Variants in SYT10 observed in about 807,000 individuals in gnomAD.
The protein encoded by SYT10 is synaptotagmin-10.
In SYT10, 31 loss-of-function variants were observed where a neutral mutation model predicts 51.1. The observed-to-expected ratio is 0.61, with a 90% CI of 0.46 to 0.82. The LOEUF (loss-of-function observed/expected upper bound fraction) is 0.82, where lower values mean the gene tolerates loss of function less well. SYT10 is among the 40% of genes least tolerant of loss of function. The probability of loss-of-function intolerance (pLI) is 0.00; values close to 1 mark genes in which losing one functional copy is unlikely to be tolerated. For synonymous variants in SYT10, 233 were observed against 225.9 expected, an observed-to-expected ratio of 1.03 and a Z score of -0.28; for missense variants, 603 against 634.0, an observed-to-expected ratio of 0.95 and a Z score of 0.53.
chr12:33,416,939 T>C (rs1866459410), intron 2 of SYT10, among the ~76,000 whole-genome samples: 1 of 152,140 alleles, frequency 6.6e-6, no homozygotes, highest in Admixed American at 6.5e-5. Flanking sequence ...TAATGTACTA[T>C]CCATCAGGAA....
intron 6 of SYT10, among the ~76,000 whole-genome samples, chr12:33,377,163 A>G (rs1480877091): frequency 1.3e-5 from 2 of 152,166 alleles, no homozygotes; most frequent in Non-Finnish European, 2.9e-5. Context: ...TGACAGCAGA[A>G]TAATTTCAAA....
Position 33,407,000 on chromosome 12 carries a change from C to A in SYT10, c.866G>T (p.Arg289Ile), listed in dbSNP as rs1866359899. The A allele has an allele frequency of 6.2e-7, 1 of 1,614,130 alleles. No homozygotes were observed. The highest frequency in any genetic ancestry group is 2.2e-5 in the East Asian group (1 of 44,872). ...RKKKFQTRVH[R>I]KTLNPLFDET... is the part of the protein sequence containing the mutation. ...ATCAAATAGAGGATTTAAAGTCTTT[C>A]TGTGCACGCGGGTCTGAAATTTCTT... Residue 289 changes from arginine to isoleucine, a missense_variant, in exon 3 of 7, where the codon AGA becomes ATA. Physicochemically the swap from Arg to Ile is moderately conservative, Grantham distance 97. Coordinates refer to ENST00000228567, the MANE Select transcript of SYT10 (RefSeq NM_198992.4).
intron 2 of SYT10, among the ~76,000 whole-genome samples, chr12:33,413,320 G>A (rs1457018068): frequency 2.0e-5 from 3 of 152,120 alleles, no homozygotes; most frequent in African/African-American, 7.2e-5. Flanking sequence ...TCAAATTCAG[G>A]AAATACTGAG....
chr12:33,399,812 G>C (rs1258688379), intron 3 of SYT10, among the ~76,000 whole-genome samples: 1 of 152,118 alleles, frequency 6.6e-6, no homozygotes, highest in Non-Finnish European at 1.5e-5. Flanking sequence ...TTCTCGCAAA[G>C]TAAAAGACCT....
Position 33,374,763 on chromosome 12 carries a change from A to C in SYT10, c.*2067T>G, listed in dbSNP as rs746655901. The C allele has an allele frequency of 6.6e-6, 1 of 151,866 alleles. No individual in the cohort carries two copies. Among genetic ancestry groups the C allele is most frequent in the Non-Finnish European group, 1.5e-5 (1 of 67,876 alleles). The allele number at this position is 151,866 out of a possible 1,614,324, so 9.4% of individuals were successfully genotyped here. A position where few individuals can be genotyped will look rare whatever the true frequency, so the allele number is the denominator to read the frequency against. ...CATATTAGAGTCTTCTGATTGGCCA[A>C]TGGTTCACATTTTTTCATCACAAGC... On this transcript the variant is annotated 3_prime_UTR_variant, in exon 7 of 7. Coordinates refer to ENST00000228567, the MANE Select transcript of SYT10 (RefSeq NM_198992.4).
intron 2 of SYT10, among the ~76,000 whole-genome samples, chr12:33,422,283 C>T (rs1866512127): frequency 6.6e-6 from 1 of 152,040 alleles, no homozygotes; most frequent in Admixed American, 6.6e-5. Context: ...TGAAGTGCCA[C>T]TTAATGTTTT....
chr12:33,398,142 GGATACT>G (rs1177331236), intron 3 of SYT10, among the ~76,000 whole-genome samples: 1 of 152,038 alleles, frequency 6.6e-6, no homozygotes, highest in Non-Finnish European at 1.5e-5. Context: ...AAAATAATTG[GGATACT>G]GTCTCCAGGT....
intron 1 of SYT10, chr12:33,432,556 T>TTAAC (rs1456740136): frequency 7.9e-5 from 12 of 152,092 alleles, no homozygotes; most frequent in African/African-American, 2.7e-4. Flanking sequence ...CTCAGGTACA[T>TTAAC]TAACAGCTTA....
At chr12:33,411,493 CAT>C (rs1253478474) in intron 2 of SYT10, among the ~76,000 whole-genome samples, 4 of 151,502 alleles carry the variant, frequency 2.6e-5, no homozygotes, top group Admixed American at 1.3e-4. Flanking sequence ...TTGGAAATGA[CAT>C]ATTTTGAAAA....
At chr12:33,429,977 G>T (rs2138436456) in intron 1 of SYT10, among the ~76,000 whole-genome samples, 1 of 152,228 alleles carries the variant, frequency 6.6e-6, no homozygotes, top group East Asian at 1.9e-4. Context: ...GGGCAAACTT[G>T]ATGACTAGGC....
At chr12:33,424,084 T>C in intron 2 of SYT10, 2 of 440,998 alleles carry the variant, frequency 4.5e-6, no homozygotes, top group South Asian at 3.2e-5. Flanking sequence ...TGAATGTGTG[T>C]TGCAGTTTTT....
At chr12:33,420,204 C>T (rs1217052065) in intron 2 of SYT10, among the ~76,000 whole-genome samples, 1 of 152,196 alleles carries the variant, frequency 6.6e-6, no homozygotes, top group East Asian at 1.9e-4. Context: ...ATTTGTCTTT[C>T]ACTCTCCAAG....
intron 3 of SYT10, among the ~76,000 whole-genome samples, chr12:33,391,358 GGC>G (rs1360752448): frequency 2.0e-5 from 3 of 152,084 alleles, no homozygotes; most frequent in Non-Finnish European, 2.9e-5. Flanking sequence ...GATCTAGGAG[GGC>G]ATTAGAGGTG....
chr12:33,422,041 A>T lies in SYT10; in HGVS notation c.509+4097T>A, dbSNP rs141823374. Among the ~76,000 whole-genome samples the T allele has an allele frequency of 5.8e-3, 882 of 152,104 alleles. 6 individuals are homozygous for T. Among genetic ancestry groups the T allele is most frequent in the African/African-American group, 0.02 (837 of 41,492 alleles). On this transcript the variant is annotated intron_variant, in intron 2 of 6. Transcript: ENST00000228567. ...TTGATTCTTTCAATTCAGTAAGTTC[A>T]CTTTGAGTTCCTACAGTGCTTTGTT...
Position 33,391,312 on chromosome 12 carries a change from G to T in SYT10, c.1078-6021C>A, listed in dbSNP as rs140798718. On this transcript the variant is annotated intron_variant, in intron 3 of 6. Coordinates refer to ENST00000228567, the MANE Select transcript of SYT10 (RefSeq NM_198992.4). ...AGAGATACTTGGATTTTAATTATGG[G>T]AAGAGCGATGAAAGATATTTGATTC... Among the ~76,000 whole-genome samples, 1,456 of 152,126 alleles carry T rather than the reference G, an allele frequency of 9.6e-3. 19 individuals carry two copies. The highest frequency in any genetic ancestry group is 0.017 in the Non-Finnish European group (1,144 of 68,006).
At chr12:33,415,489 G>A (rs1200907946) in intron 2 of SYT10, among the ~76,000 whole-genome samples, 3 of 152,074 alleles carry the variant, frequency 2.0e-5, no homozygotes, top group Non-Finnish European at 4.4e-5. Context: ...ATATCCTCTT[G>A]CTTTAATTTG....
intron 1 of SYT10, among the ~76,000 whole-genome samples, chr12:33,427,157 G>A (rs571404168): frequency 6.6e-6 from 1 of 152,152 alleles, no homozygotes; most frequent in South Asian, 2.1e-4. Flanking sequence ...TAATCCCCAA[G>A]GCCATGGTAT....
intron 6 of SYT10, among the ~76,000 whole-genome samples, chr12:33,378,208 C>G (rs977573726): frequency 3.3e-5 from 5 of 152,158 alleles, no homozygotes; most frequent in African/African-American, 1.2e-4. Flanking sequence ...GGATCTTTTT[C>G]TGATGACTAT....
At chr12:33,385,503 T>C (rs1866149914) in intron 3 of SYT10, among the ~76,000 whole-genome samples, 2 of 152,214 alleles carry the variant, frequency 1.3e-5, no homozygotes, top group African/African-American at 4.8e-5. Flanking sequence ...ACAACAAGAA[T>C]CTCAAACAAC....
Sources: allele counts gnomAD v4.1 joint callset (sites outside exome capture counted in the v4.1 genomes callset), GRCh38; gene constraint gnomAD v4.1.1; transcripts MANE v1.5; gene names NCBI Gene and HGNC (gene_info 2026-07-23, HGNC 2026-07-21).